The following PMVK variants were observed in gnomAD, a reference collection of about 807,000 sequenced individuals.
PMVK encodes the protein testis tissue sperm-binding protein Li 95mP.
PMVK carries 10 observed loss-of-function variants against 19.0 expected under a neutral mutation model. That is an observed-to-expected ratio of 0.53 (90% CI 0.32 to 0.89). PMVK has a LOEUF of 0.89. Among genes scored for constraint, PMVK ranks in the 40% least tolerant of loss-of-function variants. The probability of loss-of-function intolerance (pLI) is 0.03; values close to 1 mark genes in which losing one functional copy is unlikely to be tolerated. For missense variants in PMVK, 222 were observed against 251.1 expected, an observed-to-expected ratio of 0.88 and a Z score of 0.78; for synonymous variants, 108 against 101.6, an observed-to-expected ratio of 1.06 and a Z score of -0.38.
chr1:154,925,340 A>C, intron 4 of PMVK, 75 bp from the exon 5 acceptor site: 31 of 1,477,894 alleles, frequency 2.1e-5, no homozygotes, highest in Non-Finnish European at 2.9e-5. Flanking sequence ...GCTAACCCCA[A>C]CTGGAGTGGG....
chr1:154,935,189 G>A (rs1008262605), intron 1 of PMVK, among the ~76,000 whole-genome samples: 3 of 152,036 alleles, frequency 2.0e-5, no homozygotes, highest in Admixed American at 6.6e-5. Flanking sequence ...CCTGTGCTTC[G>A]GACCACTATT....
Position 154,929,136 on chromosome 1 carries a change from G to T in PMVK, c.200C>A (p.Thr67Asn), listed in dbSNP as rs1466197149. 6.2e-7 allele frequency: 1 copy of T among 1,614,058 alleles called. No homozygotes were observed. The highest frequency in any genetic ancestry group is 1.7e-5 in the Admixed American group (1 of 60,036). ...GTCCTTCCGAAAGGCCTCCTTGTAGGTGCTGGTGTCCAGGAGTCTCTGGAA... is the reference window on the plus strand; with the variant it reads ...GTCCTTCCGAAAGGCCTCCTTGTAGTTGCTGGTGTCCAGGAGTCTCTGGAA... ...LNFQRLLDTSTYKEAFRKDMI... is the reference protein window; with the variant it reads ...LNFQRLLDTSNYKEAFRKDMI... Residue 67 changes from threonine (T) to asparagine (N), a missense_variant, in exon 3 of 5, where the codon ACC becomes AAC. Thr to Asn is a moderately conservative substitution (Grantham distance 65, BLOSUM62 0). Coordinates refer to ENST00000368467, the MANE Select transcript of PMVK (RefSeq NM_006556.4).
Position 154,929,038 on chromosome 1 carries a change from A to G in PMVK, c.298T>C (p.Ser100Pro), listed in dbSNP as rs1654255981. 1 of 1,613,946 alleles carries G rather than the reference A, an allele frequency of 6.2e-7. No individual in the cohort carries two copies. The highest frequency in any genetic ancestry group is 1.7e-5 in the Admixed American group (1 of 59,996). The part of the protein sequence containing the change: ...FFCRKIVEGI[S>P]QPIWLVSDTR... ...AGCCCTCTTACCCAGATGGGCTGGG[A>G]GATGCCCTCCACAATCTTCCTGCAA... Residue 100 changes from serine to proline, a missense_variant, in exon 3 of 5, where the codon TCC (serine) becomes CCC (proline). Ser to Pro is a moderately conservative substitution (Grantham distance 74). Transcript: ENST00000368467.
intron 2 of PMVK, among the ~76,000 whole-genome samples, chr1:154,929,744 G>A (rs1479200297): frequency 6.6e-6 from 1 of 152,030 alleles, no homozygotes; most frequent in African/African-American, 2.4e-5. Flanking sequence ...GGACCCCCAA[G>A]GCAGGAGAGG....
rs749371642 is a variant in PMVK at position 154,925,196 on chromosome 1, T to C, written c.512A>G (p.His171Arg). Reference protein sequence around the residue: ...FGDFDWVIENHGVEQRLEEQL... With the variant: ...FGDFDWVIENRGVEQRLEEQL... ...CTCCTCCAGGCGCTGTTCAACTCCA[T>C]GGTTCTCGATGACCCAGTCAAAGTC... is the stretch of plus-strand genomic sequence containing the variant. The change falls in exon 5 of 5, where the codon CAT becomes CGT. Residue 171 changes from histidine to arginine, a missense_variant. By Grantham distance (29) the His-to-Arg change is conservative. Coordinates refer to ENST00000368467, the MANE Select transcript of PMVK (RefSeq NM_006556.4). 3.2e-6 allele frequency: 5 copies of C among 1,577,680 alleles called. No homozygotes were observed. In the Admixed American group the frequency reaches 8.5e-5, roughly 27 times the overall value.
upstream of PMVK, among the ~76,000 whole-genome samples, chr1:154,940,121 C>T (rs1654609696): frequency 6.6e-6 from 1 of 152,178 alleles, no homozygotes; most frequent in Non-Finnish European, 1.5e-5. Flanking sequence ...CTGGACTAGT[C>T]CTGTCATTCC....
Position 154,932,425 on chromosome 1 carries a change from A to AG in PMVK, c.96-11dup, listed in dbSNP as rs754873618. On this transcript the variant is annotated splice_polypyrimidine_tract_variant and intron_variant, in intron 1 of 4. Transcript: ENST00000368467. ...GACATCAGCTCCAAGTCTGCAGGAC[A>AG]GGGAGATCAGAATCCAGTTAGCCTA... 31 of 1,594,808 alleles carry AG rather than the reference A, an allele frequency of 1.9e-5. No homozygotes were observed. The highest frequency in any genetic ancestry group is 2.7e-5 in the Non-Finnish European group (31 of 1,169,660).
chr1:154,929,179 G>A lies in PMVK; in HGVS notation c.160-3C>T. The A allele has an allele frequency of 1.2e-6, 2 of 1,613,870 alleles. No homozygotes were observed. Among genetic ancestry groups the A allele is most frequent in the East Asian group, 2.2e-5 (1 of 44,870 alleles). On this transcript the variant is annotated splice_region_variant and splice_polypyrimidine_tract_variant and intron_variant, in intron 2 of 4. Transcript: ENST00000368467. ...CTCTGGAAGTTCAAGCCATGCTCCT[G>A]CCCAAAGGACATTATGTCTACGTCA...
Position 154,925,083 on chromosome 1 carries a change from C to CCCCCCCCCCCCCAG in PMVK, c.*45_*46insCTGGGGGGGGGGGG. The CCCCCCCCCCCCCAG allele has an allele frequency of 6.9e-7, 1 of 1,451,358 alleles. No homozygotes were observed. Among genetic ancestry groups the CCCCCCCCCCCCCAG allele is most frequent in the South Asian group, 1.2e-5 (1 of 86,298 alleles). The allele number at this position is 1,451,358 out of a possible 1,614,324, so 89.9% of individuals were successfully genotyped here. A position where few individuals can be genotyped will look rare whatever the true frequency, so the allele number is the denominator to read the frequency against. ...ACACCCCCATTTTGCAGAGTCAGCC[C>CCCCCCCCCCCCCAG]CACCCCCACCTCAGCAGGCCCCAGC... is the stretch of plus-strand genomic sequence containing the variant. On this transcript the variant is annotated 3_prime_UTR_variant, in exon 5 of 5. Coordinates refer to ENST00000368467, the MANE Select transcript of PMVK (RefSeq NM_006556.4).
At chr1:154,942,459 T>A in the PMVK span, among the ~76,000 whole-genome samples, 1 of 152,186 alleles carries the variant, frequency 6.6e-6, no homozygotes, top group Non-Finnish European at 1.5e-5. Flanking sequence ...ATGGGTGTGT[T>A]AGAGAGAGGG....
At position 154,924,900 on chromosome 1, in the gene PMVK, C is replaced by G. The variant is rs1654091404; in HGVS notation, c.*229G>C. ...TTCGCCTTCAAGCACAGCCAAGACA[C>G]CCTCCTTTGCCCTTGGAGTCTCCTC... On this transcript the variant is annotated 3_prime_UTR_variant, in exon 5 of 5. Coordinates refer to ENST00000368467, the MANE Select transcript of PMVK (RefSeq NM_006556.4). 6 of 551,554 alleles carry G rather than the reference C, an allele frequency of 1.1e-5. 1 individual carries two copies. The South Asian group carries it at 1.3e-4, about 12-fold the overall frequency. 34.2% of individuals were successfully genotyped at this position (551,554 alleles called of 1,614,324 possible). A position where few individuals can be genotyped will look rare whatever the true frequency, so the allele number is the denominator to read the frequency against.
At chr1:154,926,584 AC>A (rs1354384199) in intron 3 of PMVK, 101 bp from the exon 4 acceptor site, 20 of 952,194 alleles carry the variant, frequency 2.1e-5, no homozygotes, top group East Asian at 2.5e-5. Flanking sequence ...GTGTGGCTCT[AC>A]CCCCCCATCA....
intron 2 of PMVK, among the ~76,000 whole-genome samples, chr1:154,932,031 G>A (rs1654351295): frequency 6.6e-6 from 1 of 152,132 alleles, no homozygotes; most frequent in South Asian, 2.1e-4. Flanking sequence ...GCTGTGTCAG[G>A]CCAGCTGAGT....
chr1:154,935,761 A>G (rs187890954), intron 1 of PMVK, among the ~76,000 whole-genome samples: 1 of 152,282 alleles, frequency 6.6e-6, no homozygotes, highest in Admixed American at 6.5e-5. Context: ...CAGTAGCATG[A>G]TTACAATTCA....
chr1:154,930,651 C>G (rs907147944), intron 2 of PMVK, among the ~76,000 whole-genome samples: 2 of 151,148 alleles, frequency 1.3e-5, no homozygotes, highest in East Asian at 2.0e-4. Flanking sequence ...AGGGAAGGCT[C>G]AGTGCCTTCC....
Position 154,936,117 on chromosome 1 carries a change from C to G in PMVK, c.95+474G>C, listed in dbSNP as rs188748707. On this transcript the variant is annotated intron_variant, in intron 1 of 4. Transcript: ENST00000368467. ...TGTTTTTTTAAGACAGGGTCTCGCTCTGTCGCCCAGGCTGGAGTGCAGTGG... is the reference window on the plus strand; with the variant it reads ...TGTTTTTTTAAGACAGGGTCTCGCTGTGTCGCCCAGGCTGGAGTGCAGTGG... Among the ~76,000 whole-genome samples, 84 of 152,264 alleles carry G rather than the reference C, an allele frequency of 5.5e-4. 1 individual carries two copies. The East Asian group carries it at 0.011, about 20-fold the overall frequency.
intron 4 of PMVK, among the ~76,000 whole-genome samples, chr1:154,925,719 C>T (rs1170953702): frequency 1.3e-5 from 2 of 152,240 alleles, no homozygotes; most frequent in Non-Finnish European, 2.9e-5. Context: ...GAGACTTAAC[C>T]TTTCAGGCCA....
intron 1 of PMVK, 179 bp downstream of exon 1, chr1:154,936,412 G>A (rs915284120): frequency 1.0e-6 from 1 of 985,274 alleles, no homozygotes; most frequent in African/African-American, 1.7e-5. Context: ...TTTGAGGCTC[G>A]CCTGTGTAGA....
chr1:154,930,901 A>T lies in PMVK; in HGVS notation c.159+1451T>A, dbSNP rs2101969647. On this transcript the variant is annotated intron_variant, in intron 2 of 4. Coordinates refer to ENST00000368467, the MANE Select transcript of PMVK (RefSeq NM_006556.4). The stretch of plus-strand genomic sequence containing the variant: ...GGAGTTGGAGACCAGCCTGGGCAAC[A>T]TAATGAGACTCCCATCTCTACAAAA... Among the ~76,000 whole-genome samples the T allele has an allele frequency of 2.0e-5, 3 of 151,862 alleles. No individual in the cohort carries two copies. The Middle Eastern group carries it at 0.01, about 517-fold the overall frequency.
Sources: allele counts gnomAD v4.1 joint callset (sites outside exome capture counted in the v4.1 genomes callset), GRCh38; gene constraint gnomAD v4.1.1; transcripts MANE v1.5; gene names NCBI Gene and HGNC (gene_info 2026-07-23, HGNC 2026-07-21).